Variants in JAKMIP2 observed in about 807,000 individuals in gnomAD.
JAKMIP2 encodes janus kinase and microtubule interacting protein 2.
A neutral mutation model predicts 115.0 loss-of-function variants in JAKMIP2; 25 were observed. The ratio of observed to expected loss-of-function variants is 0.22; its 90% CI spans 0.16 to 0.30. The LOEUF is 0.30. Among genes scored for constraint, JAKMIP2 ranks in the 10% least tolerant of loss-of-function variants. JAKMIP2 has a pLI of 1.00. For missense variants in JAKMIP2, 642 were observed against 957.6 expected (o/e 0.67, Z 4.35); for synonymous variants, 334 against 343.6 (o/e 0.97, Z 0.31).
At chr5:147,749,904 TGTTG>T (rs199627275) in intron 1 of JAKMIP2, among the ~76,000 whole-genome samples, 1 of 148,600 alleles carries the variant, frequency 6.7e-6, no homozygotes, top group Non-Finnish European at 1.5e-5. Context: ...TGTTTTTGTT[TGTTG>T]GTTTGACTTA....
intron 1 of JAKMIP2, among the ~76,000 whole-genome samples, chr5:147,734,411 C>A (rs1269579601): frequency 6.8e-6 from 1 of 147,658 alleles, no homozygotes; most frequent in Non-Finnish European, 1.5e-5. Flanking sequence ...AACAGAAAAC[C>A]AAACACCACA....
intron 1 of JAKMIP2, among the ~76,000 whole-genome samples, chr5:147,673,302 C>T (rs923266835): frequency 6.6e-6 from 1 of 152,202 alleles, no homozygotes. Context: ...CTAGAGAAAG[C>T]TTCTCTTGCA....
intron 1 of JAKMIP2, among the ~76,000 whole-genome samples, chr5:147,673,097 A>G (rs1052662685): frequency 1.4e-4 from 21 of 152,208 alleles, no homozygotes; most frequent in African/African-American, 5.1e-4. Context: ...AGAAGACCAC[A>G]TAGAAGGCAA....
intron 1 of JAKMIP2, among the ~76,000 whole-genome samples, chr5:147,672,829 A>G (rs549735983): frequency 1.3e-5 from 2 of 152,272 alleles, no homozygotes; most frequent in East Asian, 3.9e-4. Context: ...AACAGAGAGA[A>G]ATCACAGTGA....
intron 1 of JAKMIP2, among the ~76,000 whole-genome samples, chr5:147,755,931 A>G (rs1220094221): frequency 3.3e-5 from 5 of 152,200 alleles, no homozygotes; most frequent in Admixed American, 6.5e-5. Context: ...AAGAGCCACA[A>G]TGAAAATTGA....
At chr5:147,607,031 G>A (rs1254085594) in intron 20 of JAKMIP2, among the ~76,000 whole-genome samples, 1 of 152,166 alleles carries the variant, frequency 6.6e-6, no homozygotes. Flanking sequence ...TTTGTATCTT[G>A]AGAGTTTGCT....
rs1320969624 is a variant in JAKMIP2, at chr5:147,591,436, G to C, written c.*271C>G. Reference sequence around the variant, plus strand: ...TTTCTTTACACAATATATGTTTATAGTTCTTCTCTTCTGATTTGACATATA... The same window carrying C: ...TTTCTTTACACAATATATGTTTATACTTCTTCTCTTCTGATTTGACATATA... On this transcript the variant is annotated 3_prime_UTR_variant, in exon 22 of 22. Coordinates refer to ENST00000616793, the MANE Select transcript of JAKMIP2 (RefSeq NM_001270941.2). The C allele has an allele frequency of 3.9e-6, 2 of 507,016 alleles. No individual in the cohort carries two copies. Among genetic ancestry groups the C allele is most frequent in the Non-Finnish European group, 7.0e-6 (2 of 285,066 alleles). 31.4% of individuals were successfully genotyped at this position (507,016 alleles called of 1,614,324 possible).
chr5:147,592,204 C>T (rs1755131306), intron 21 of JAKMIP2, among the ~76,000 whole-genome samples: 1 of 152,156 alleles, frequency 6.6e-6, no homozygotes, highest in Non-Finnish European at 1.5e-5. Context: ...CACTTCTCTA[C>T]CTCCCCACTT....
intron 1 of JAKMIP2, among the ~76,000 whole-genome samples, chr5:147,677,730 T>G (rs969921074): frequency 1.3e-5 from 2 of 152,232 alleles, no homozygotes; most frequent in African/African-American, 4.8e-5. Context: ...TATGTATTTA[T>G]GGTGTACAAT....
At chr5:147,697,345 G>A (rs1458441176) in intron 1 of JAKMIP2, among the ~76,000 whole-genome samples, 1 of 152,170 alleles carries the variant, frequency 6.6e-6, no homozygotes, top group Non-Finnish European at 1.5e-5. Context: ...CAGCCCCCAT[G>A]ATTCAATTAT....
At chr5:147,759,343 T>C (rs1754852559) in intron 1 of JAKMIP2, among the ~76,000 whole-genome samples, 1 of 152,120 alleles carries the variant, frequency 6.6e-6, no homozygotes, top group Admixed American at 6.6e-5. Context: ...TCAATTCGAC[T>C]AATTATCATT....
chr5:147,758,336 A>C lies in JAKMIP2; in HGVS notation c.-149+24120T>G, dbSNP rs911055819. On this transcript the variant is annotated intron_variant, in intron 1 of 21. Transcript: ENST00000616793. Reference sequence around the variant, plus strand: ...CAATAGCTAAATGCAAATGAAGGCTAATTTTTAGGAGAGGTAAAAATAACT... The same window carrying C: ...CAATAGCTAAATGCAAATGAAGGCTCATTTTTAGGAGAGGTAAAAATAACT... Among the ~76,000 whole-genome samples the C allele has an allele frequency of 5.3e-5, 8 of 152,316 alleles. No homozygotes were observed. In the East Asian group the frequency reaches 1.5e-3, roughly 29 times the overall value.
intron 3 of JAKMIP2, 21 bp from the exon 4 acceptor site, chr5:147,650,568 G>A: frequency 6.4e-7 from 1 of 1,564,084 alleles, no homozygotes; most frequent in Non-Finnish European, 8.8e-7. Flanking sequence ...TGAGACCCAG[G>A]ACATTTTATT....
At chr5:147,717,853 A>G (rs372137089) in intron 1 of JAKMIP2, among the ~76,000 whole-genome samples, 5 of 75,878 alleles carry the variant, frequency 6.6e-5, no homozygotes, top group African/African-American at 2.7e-4. Context: ...TCTCCTGCCT[A>G]ATTGCCCTGG....
chr5:147,658,673 T>C (rs1355658896), intron 3 of JAKMIP2, among the ~76,000 whole-genome samples: 2 of 152,062 alleles, frequency 1.3e-5, no homozygotes, highest in Non-Finnish European at 2.9e-5. Flanking sequence ...AGATGAGAGT[T>C]CTGTCTGTAA....
chr5:147,777,818 C>T (rs1341638184), intron 1 of JAKMIP2, among the ~76,000 whole-genome samples: 2 of 151,562 alleles, frequency 1.3e-5, no homozygotes, highest in African/African-American at 4.9e-5. Flanking sequence ...CCAATACTTA[C>T]ACCAGTATGT....
intron 19 of JAKMIP2, among the ~76,000 whole-genome samples, chr5:147,615,170 C>T (rs767949995): frequency 6.6e-6 from 1 of 152,156 alleles, no homozygotes; most frequent in Non-Finnish European, 1.5e-5. Flanking sequence ...ACCTGGTACA[C>T]AGCAGGCCCT....
chr5:147,721,039 C>T (rs1471915529), intron 1 of JAKMIP2, among the ~76,000 whole-genome samples: 1 of 151,916 alleles, frequency 6.6e-6, no homozygotes, highest in Non-Finnish European at 1.5e-5. Flanking sequence ...TGTGGATGTC[C>T]TTTCTGTTTG....
chr5:147,678,791 G>C (rs1050614712), intron 1 of JAKMIP2, among the ~76,000 whole-genome samples: 2 of 151,426 alleles, frequency 1.3e-5, no homozygotes, highest in African/African-American at 4.9e-5. Flanking sequence ...CTTCATTTAT[G>C]TATATACCTA....
Sources: allele counts gnomAD v4.1 joint callset (sites outside exome capture counted in the v4.1 genomes callset), GRCh38; gene constraint gnomAD v4.1.1; transcripts MANE v1.5; gene names NCBI Gene and HGNC (gene_info 2026-07-23, HGNC 2026-07-21).